Variants in PLXNA4 observed in about 807,000 individuals in gnomAD.
The protein encoded by PLXNA4 is plexin A4.
PLXNA4 carries 44 observed loss-of-function variants against 191.8 expected under a neutral mutation model. The observed-to-expected ratio is 0.23, with a 90% CI of 0.18 to 0.29. The LOEUF (loss-of-function observed/expected upper bound fraction) is 0.29, where lower values mean the gene tolerates loss of function less well. PLXNA4 is among the 10% of genes least tolerant of loss of function. PLXNA4 has a pLI of 1.00. For missense variants in PLXNA4, 1,800 were observed against 2,488.8 expected (o/e 0.72, Z 5.89); for synonymous variants, 1,082 against 1,009.5 (o/e 1.07, Z -1.36).
chr7:132,199,637 C>G (rs1797368615), intron 12 of PLXNA4, among the ~76,000 whole-genome samples: 2 of 152,176 alleles, frequency 1.3e-5, no homozygotes, highest in Admixed American at 1.3e-4. Flanking sequence ...GGAAGGAGCC[C>G]AGAGAGTCCA....
At chr7:132,190,697 G>A (rs1163098817) in intron 14 of PLXNA4, among the ~76,000 whole-genome samples, 1 of 152,226 alleles carries the variant, frequency 6.6e-6, no homozygotes, top group Admixed American at 6.5e-5. Context: ...GCAGAGCAGA[G>A]GCAGAGAGGC....
chr7:132,298,159 C>A lies in PLXNA4; in HGVS notation c.1435G>T (p.Gly479Cys). The A allele has an allele frequency of 6.2e-7, 1 of 1,614,136 alleles. No homozygotes were observed. The highest frequency in any genetic ancestry group is 1.3e-5 in the African/African-American group (1 of 75,044). The stretch of plus-strand genomic sequence containing the variant: ...AAGGCCATATCCCGGAGGACTGGGC[C>A]GGGGTCCACCACCTGCACCGTCTCA... ...QYETVQVVDP[G>C]PVLRDMAFSK... The change falls in exon 4 of 32, where the codon GGC (glycine) becomes TGC (cysteine). Residue 479 changes from glycine (G) to cysteine (C), a missense_variant. Transcript: ENST00000321063.
chr7:132,403,875 C>T (rs1585089234), intron 3 of PLXNA4, among the ~76,000 whole-genome samples: 1 of 152,098 alleles, frequency 6.6e-6, no homozygotes, highest in Non-Finnish European at 1.5e-5. Flanking sequence ...GTCCTCCTTC[C>T]AAGTAAACCC....
At chr7:132,539,436 A>C (rs1422223289) in intron 1 of PLXNA4, among the ~76,000 whole-genome samples, 1 of 152,212 alleles carries the variant, frequency 6.6e-6, no homozygotes, top group Non-Finnish European at 1.5e-5. Flanking sequence ...CTTATCAGAA[A>C]TGTAAATCTC....
Position 132,161,181 on chromosome 7 carries a change from C to A in PLXNA4, c.4501-1549G>T, listed in dbSNP as rs73725834. Among the ~76,000 whole-genome samples the A allele has an allele frequency of 9.5e-3, 1,451 of 152,360 alleles. 31 individuals carry two copies. Among genetic ancestry groups the A allele is most frequent in the African/African-American group, 0.033 (1,374 of 41,588 alleles). ...GGGCAGCTCAGCCTTCCCAAGACAG[C>A]AACACAGCTTGCCCTGGGCTTCCTC... On this transcript the variant is annotated intron_variant, in intron 24 of 31. Transcript: ENST00000321063.
intron 2 of PLXNA4, among the ~76,000 whole-genome samples, chr7:132,616,423 G>A (rs1275554737): frequency 6.6e-6 from 1 of 152,190 alleles, no homozygotes. Context: ...GTCAAGGGCT[G>A]CAGGAGCCTT....
chr7:132,228,313 C>T (rs777260789), intron 6 of PLXNA4, 33 bp downstream of exon 6: 1 of 1,613,306 alleles, frequency 6.2e-7, no homozygotes, highest in South Asian at 1.1e-5. Flanking sequence ...TCCTTGCATC[C>T]CTGGACCCCA....
intron 10 of PLXNA4, among the ~76,000 whole-genome samples, chr7:132,208,665 C>T (rs1797703200): frequency 6.6e-6 from 1 of 152,212 alleles, no homozygotes; most frequent in African/African-American, 2.4e-5. Context: ...ATCAGGCTTC[C>T]AGATGTGAAA....
intron 1 of PLXNA4, among the ~76,000 whole-genome samples, chr7:132,523,003 G>A (rs912892563): frequency 6.6e-6 from 1 of 152,042 alleles, no homozygotes; most frequent in Non-Finnish European, 1.5e-5. Flanking sequence ...GCTCTCGGGG[G>A]CCAAGGGCTT....
intron 4 of PLXNA4, among the ~76,000 whole-genome samples, chr7:132,292,169 C>A (rs990200988): frequency 6.6e-6 from 1 of 152,188 alleles, no homozygotes; most frequent in Non-Finnish European, 1.5e-5. Context: ...ACTATGGATT[C>A]ATTAACTGTT....
intron 3 of PLXNA4, among the ~76,000 whole-genome samples, chr7:132,408,038 T>TA (rs34030992): frequency 1.9e-3 from 273 of 146,648 alleles, no homozygotes; most frequent in African/African-American, 5.3e-3. Flanking sequence ...TACAGGGATT[T>TA]AAAAAAAAAA....
At chr7:132,557,309 A>C (rs541671430) in intron 1 of PLXNA4, among the ~76,000 whole-genome samples, 1 of 152,294 alleles carries the variant, frequency 6.6e-6, no homozygotes, top group Admixed American at 6.5e-5. Flanking sequence ...CGTGCTACTG[A>C]AGTTGAGTTG....
chr7:132,552,382 C>T (rs1299575244), intron 1 of PLXNA4, among the ~76,000 whole-genome samples: 2 of 152,148 alleles, frequency 1.3e-5, no homozygotes, highest in Non-Finnish European at 2.9e-5. Flanking sequence ...TTGTTTGGGG[C>T]TCTTTGTTAC....
chr7:132,201,613 C>A (rs1019083396), intron 12 of PLXNA4, among the ~76,000 whole-genome samples: 4 of 152,178 alleles, frequency 2.6e-5, no homozygotes, highest in African/African-American at 9.7e-5. Context: ...GTATTGAGCA[C>A]CTACTGTGTG....
chr7:132,408,362 G>A (rs1397276087), intron 3 of PLXNA4, among the ~76,000 whole-genome samples: 1 of 152,096 alleles, frequency 6.6e-6, no homozygotes, highest in Non-Finnish European at 1.5e-5. Flanking sequence ...TTCTGGGGGT[G>A]CAGTTTTTAC....
At chr7:132,235,263 G>A (rs1798660763) in intron 5 of PLXNA4, among the ~76,000 whole-genome samples, 1 of 152,234 alleles carries the variant, frequency 6.6e-6, no homozygotes, top group Non-Finnish European at 1.5e-5. Flanking sequence ...TGTAGGCCCA[G>A]CGAGGGGCTT....
intron 2 of PLXNA4, among the ~76,000 whole-genome samples, chr7:132,634,802 C>A (rs896062525): frequency 3.3e-5 from 5 of 152,112 alleles, no homozygotes; most frequent in African/African-American, 1.2e-4. Flanking sequence ...ATGGTTAATA[C>A]CAAGTCTCAA....
At chr7:132,598,069 A>G (rs1802750026) in intron 2 of PLXNA4, among the ~76,000 whole-genome samples, 1 of 152,128 alleles carries the variant, frequency 6.6e-6, no homozygotes, top group African/African-American at 2.4e-5. Flanking sequence ...AACTTGTGCT[A>G]TGTTGCCCTT....
intron 5 of PLXNA4, among the ~76,000 whole-genome samples, chr7:132,234,308 T>G (rs2117009313): frequency 6.6e-6 from 1 of 152,328 alleles, no homozygotes; most frequent in East Asian, 1.9e-4. Context: ...CGTCACCAAG[T>G]CCAGTAGGCT....
Sources: allele counts gnomAD v4.1 joint callset (sites outside exome capture counted in the v4.1 genomes callset), GRCh38; gene constraint gnomAD v4.1.1; transcripts MANE v1.5; gene names NCBI Gene and HGNC (gene_info 2026-07-23, HGNC 2026-07-21).